Variants in CDYL2 observed in about 807,000 individuals in gnomAD.
CDYL2 encodes the protein chromodomain Y like 2, also known as chromodomain Y-like protein 2.
CDYL2 carries 23 observed loss-of-function variants against 49.4 expected under a neutral mutation model. The observed-to-expected ratio is 0.47, with a 90% CI of 0.34 to 0.66. CDYL2 has a LOEUF of 0.66. CDYL2 is among the 30% of genes least tolerant of loss of function. The probability of loss-of-function intolerance (pLI) is 0.01; values close to 1 mark genes in which losing one functional copy is unlikely to be tolerated. For missense variants in CDYL2, 678 were observed against 656.4 expected (o/e 1.03, Z -0.36); for synonymous variants, 360 against 268.8 (o/e 1.34, Z -3.32).
chr16:80,724,914 C>A (rs1195330758), intron 1 of CDYL2, among the ~76,000 whole-genome samples: 1 of 152,190 alleles, frequency 6.6e-6, no homozygotes, highest in Non-Finnish European at 1.5e-5. Context: ...AACTGTAAAG[C>A]CAACTCTGTA....
intron 1 of CDYL2, among the ~76,000 whole-genome samples, chr16:80,756,459 A>T (rs147733680): frequency 3.3e-5 from 5 of 152,280 alleles, no homozygotes. Flanking sequence ...TTAGAACAAT[A>T]AATTTGAAAA....
rs1485879885 is a variant in CDYL2 at position 80,684,959 on chromosome 16, C to T, written c.195G>A (p.Arg65=). 3 of 1,614,058 alleles carry T rather than the reference C, an allele frequency of 1.9e-6. No homozygotes were observed. In the African/African-American group the frequency reaches 4.0e-5, roughly 22 times the overall value. The change falls in exon 2 of 7, where the codon AGG becomes AGA. Residue 65 remains arginine, a synonymous_variant. Transcript: ENST00000570137. ...FNGLHMSKDK[R]IKSGKQSSTS... is the part of the protein sequence containing the mutation. The stretch of plus-strand genomic sequence containing the variant: ...TACTGGACTGCTTCCCTGACTTGAT[C>T]CTCTTGTCCTTGGACATGTGCAACC...
intron 1 of CDYL2, among the ~76,000 whole-genome samples, chr16:80,782,057 A>G (rs1907286641): frequency 6.6e-6 from 1 of 152,008 alleles, no homozygotes; most frequent in Non-Finnish European, 1.5e-5. Context: ...AGCATAAAGT[A>G]GAGAATACAA....
intron 1 of CDYL2, among the ~76,000 whole-genome samples, chr16:80,774,234 G>A (rs906626813): frequency 5.3e-5 from 8 of 152,082 alleles, no homozygotes; most frequent in African/African-American, 1.9e-4. Context: ...TAAAAAGAAG[G>A]AAATTCTGTC....
Position 80,760,016 on chromosome 16 carries a change from A to C in CDYL2, c.24+44134T>G, listed in dbSNP as rs894519781. ...AAACCTTTTCAGACATTAGTACCCC[A>C]GTTTGAAACTATATTTCATTTTAAG... On this transcript the variant is annotated intron_variant, in intron 1 of 6. Coordinates refer to ENST00000570137, the MANE Select transcript of CDYL2 (RefSeq NM_152342.4). Among the ~76,000 whole-genome samples the C allele has an allele frequency of 3.3e-5, 5 of 152,250 alleles. No homozygotes were observed. The South Asian group carries it at 6.2e-4, about 19-fold the overall frequency.
intron 1 of CDYL2, among the ~76,000 whole-genome samples, chr16:80,785,959 A>T (rs1051281648): frequency 1.3e-5 from 2 of 152,224 alleles, no homozygotes; most frequent in African/African-American, 4.8e-5. Context: ...TACAAAAATC[A>T]ACTCAAGATG....
intron 1 of CDYL2, among the ~76,000 whole-genome samples, chr16:80,789,369 G>A (rs1341024612): frequency 5.9e-5 from 9 of 152,150 alleles, no homozygotes; most frequent in Non-Finnish European, 1.2e-4. Context: ...TTGGAAGGCC[G>A]AGGGGGTGGA....
intron 2 of CDYL2, among the ~76,000 whole-genome samples, chr16:80,682,463 G>A (rs572071813): frequency 1.3e-5 from 2 of 152,206 alleles, no homozygotes; most frequent in Non-Finnish European, 2.9e-5. Flanking sequence ...GAAGGGTGAA[G>A]AGCACAGAGC....
chr16:80,793,779 T>C (rs1379081950), intron 1 of CDYL2, among the ~76,000 whole-genome samples: 1 of 149,434 alleles, frequency 6.7e-6, no homozygotes, highest in Non-Finnish European at 1.5e-5. Flanking sequence ...GTAGATTTCT[T>C]TTGTAAGTTT....
intron 1 of CDYL2, among the ~76,000 whole-genome samples, chr16:80,746,426 C>G (rs1905933282): frequency 6.6e-6 from 1 of 152,170 alleles, no homozygotes; most frequent in Admixed American, 6.5e-5. Context: ...CAGTAGTGAC[C>G]TCTTGTTCTC....
intron 3 of CDYL2, among the ~76,000 whole-genome samples, chr16:80,624,444 T>C (rs548764945): frequency 1.3e-5 from 2 of 152,218 alleles, no homozygotes; most frequent in East Asian, 3.9e-4. Flanking sequence ...AACACAGAAA[T>C]TGGACACAGG....
intron 1 of CDYL2, among the ~76,000 whole-genome samples, chr16:80,781,343 C>A (rs1434468252): frequency 6.6e-6 from 1 of 152,094 alleles, no homozygotes; most frequent in African/African-American, 2.4e-5. Context: ...GACATAGCAA[C>A]TATAAACATA....
At chr16:80,650,352 A>G (rs1908532599) in intron 2 of CDYL2, among the ~76,000 whole-genome samples, 1 of 152,254 alleles carries the variant, frequency 6.6e-6, no homozygotes, top group African/African-American at 2.4e-5. Flanking sequence ...GCAAACAGGG[A>G]TATGAAAAGG....
intron 2 of CDYL2, among the ~76,000 whole-genome samples, chr16:80,667,296 T>A (rs1473984190): frequency 6.6e-6 from 1 of 152,174 alleles, no homozygotes; most frequent in African/African-American, 2.4e-5. Context: ...CAGCCTCCCG[T>A]GCAGGCTGCT....
chr16:80,723,451 G>A (rs1405265239), intron 1 of CDYL2, among the ~76,000 whole-genome samples: 2 of 152,130 alleles, frequency 1.3e-5, no homozygotes, highest in African/African-American at 4.8e-5. Flanking sequence ...CACTAATTCC[G>A]GCTTCTAAAC....
intron 1 of CDYL2, among the ~76,000 whole-genome samples, chr16:80,754,331 T>C (rs1380600795): frequency 1.3e-5 from 2 of 152,134 alleles, no homozygotes; most frequent in Non-Finnish European, 2.9e-5. Flanking sequence ...AATATATGGC[T>C]TTCTGGGGGC....
At chr16:80,774,330 T>C (rs1427414768) in intron 1 of CDYL2, among the ~76,000 whole-genome samples, 2 of 147,938 alleles carry the variant, frequency 1.4e-5, no homozygotes, top group Non-Finnish European at 3.0e-5. Flanking sequence ...CTTATTTATA[T>C]GTGGAATCTA....
chr16:80,714,302 A>C (rs566998580), intron 1 of CDYL2, among the ~76,000 whole-genome samples: 1 of 152,048 alleles, frequency 6.6e-6, no homozygotes, highest in Non-Finnish European at 1.5e-5. Context: ...CCAATAAATC[A>C]AGAAAAAAAA....
chr16:80,605,224 T>C (rs1344094139), intron 6 of CDYL2, among the ~76,000 whole-genome samples: 4 of 151,510 alleles, frequency 2.6e-5, no homozygotes, highest in African/African-American at 9.7e-5. Context: ...AAATGATCTA[T>C]GATTATTCAT....
Sources: allele counts gnomAD v4.1 joint callset (sites outside exome capture counted in the v4.1 genomes callset), GRCh38; gene constraint gnomAD v4.1.1; transcripts MANE v1.5; gene names NCBI Gene and HGNC (gene_info 2026-07-23, HGNC 2026-07-21).